OSBPL11: variants seen among roughly 807,000 people sequenced by gnomAD.
OSBPL11 encodes oxysterol binding protein like 11.
Under a neutral mutation model 84.4 loss-of-function variants are expected in OSBPL11, and 33 were observed. The observed-to-expected ratio is 0.39, with a 90% CI of 0.30 to 0.52. The LOEUF is 0.52. OSBPL11 is among the 20% of genes least tolerant of loss of function. The pLI is 0.72. For synonymous variants in OSBPL11, 276 were observed against 310.2 expected (o/e 0.89, Z 1.16); for missense variants, 736 against 901.1 (o/e 0.82, Z 2.35).
chr3:125,545,510 A>G (rs979485144), intron 10 of OSBPL11, among the ~76,000 whole-genome samples: 5 of 152,242 alleles, frequency 3.3e-5, no homozygotes. Flanking sequence ...CAAAAATAGT[A>G]TCCTGGATTA....
chr3:125,556,059 T>C (rs1233168339), intron 8 of OSBPL11, among the ~76,000 whole-genome samples: 1 of 152,210 alleles, frequency 6.6e-6, no homozygotes, highest in Non-Finnish European at 1.5e-5. Flanking sequence ...ATTTTCACAT[T>C]CGCTTCTTAC....
At chr3:125,537,002 T>C (rs1246478104) in intron 11 of OSBPL11, among the ~76,000 whole-genome samples, 1 of 151,390 alleles carries the variant, frequency 6.6e-6, no homozygotes, top group Admixed American at 6.6e-5. Context: ...CTACTACAAA[T>C]ACAAAAAATT....
intron 11 of OSBPL11, among the ~76,000 whole-genome samples, chr3:125,533,530 A>G (rs548306514): frequency 3.2e-4 from 48 of 152,286 alleles, no homozygotes; most frequent in African/African-American, 1.1e-3. Context: ...TAAAGAATTA[A>G]GGCTACATAT....
intron 10 of OSBPL11, among the ~76,000 whole-genome samples, chr3:125,544,802 ACC>A (rs1165967584): frequency 6.6e-6 from 1 of 152,204 alleles, no homozygotes; most frequent in Non-Finnish European, 1.5e-5. Context: ...AGGTTTCTTG[ACC>A]AAATCTACAA....
chr3:125,537,020 C>T (rs969035097), intron 11 of OSBPL11, among the ~76,000 whole-genome samples: 3 of 151,656 alleles, frequency 2.0e-5, no homozygotes, highest in Admixed American at 6.6e-5. Flanking sequence ...ATTAGCCAGG[C>T]GTGGTGGTCG....
At chr3:125,532,771 A>G (rs1052999363) in intron 11 of OSBPL11, among the ~76,000 whole-genome samples, 3 of 94,764 alleles carry the variant, frequency 3.2e-5, no homozygotes, top group African/African-American at 1.8e-4. Flanking sequence ...ATGTCCATAC[A>G]AAGACTTGTA....
intron 10 of OSBPL11, among the ~76,000 whole-genome samples, chr3:125,545,633 C>A (rs917149136): frequency 6.7e-6 from 1 of 150,196 alleles, no homozygotes; most frequent in Non-Finnish European, 1.5e-5. Flanking sequence ...TGTGTGTGTG[C>A]GTGTGTGTGT....
At chr3:125,558,236 A>G (rs747491049) in intron 8 of OSBPL11, among the ~76,000 whole-genome samples, 1 of 152,190 alleles carries the variant, frequency 6.6e-6, no homozygotes, top group Non-Finnish European at 1.5e-5. Context: ...ATAAACCTCA[A>G]TGCTGCTCTT....
chr3:125,587,933 TG>T (rs1248952313), intron 1 of OSBPL11, among the ~76,000 whole-genome samples: 10 of 152,048 alleles, frequency 6.6e-5, no homozygotes, highest in Admixed American at 3.9e-4. Flanking sequence ...AGCAAGACTC[TG>T]TCTCAGGCCA....
Position 125,579,989 on chromosome 3 carries a change from T to A in OSBPL11, c.285A>T (p.Glu95Asp). 6.2e-7 allele frequency: 1 copy of A among 1,614,206 alleles called. No individual in the cohort carries two copies. The highest frequency in any genetic ancestry group is 8.5e-7 in the Non-Finnish European group (1 of 1,180,012). Residue 95 changes from glutamate (E) to aspartate (D), a missense_variant, in exon 3 of 13, where the codon GAA becomes GAT. Transcript: ENST00000296220. ...EAGLLEYFVN[E>D]QSRNQKPRGT... is the part of the protein sequence containing the mutation. ...CTCTAGGTTTCTGATTTCTAGACTGTTCATTCACAAAGTACTCCAACAGCC... is the reference window on the plus strand; with the variant it reads ...CTCTAGGTTTCTGATTTCTAGACTGATCATTCACAAAGTACTCCAACAGCC...
chr3:125,535,437 A>ACTT (rs1559833754), intron 11 of OSBPL11, among the ~76,000 whole-genome samples: 1 of 126,876 alleles, frequency 7.9e-6, no homozygotes, highest in Non-Finnish European at 1.6e-5. Flanking sequence ...ATTCAGAAGC[A>ACTT]TCTTTTTTTT....
intron 4 of OSBPL11, among the ~76,000 whole-genome samples, chr3:125,577,995 AATC>A (rs1158250500): frequency 6.6e-6 from 1 of 152,208 alleles, no homozygotes; most frequent in African/African-American, 2.4e-5. Context: ...AGAGAAATGA[AATC>A]ATATGTTCAC....
At chr3:125,555,655 T>C (rs1935981398) in intron 8 of OSBPL11, among the ~76,000 whole-genome samples, 1 of 151,910 alleles carries the variant, frequency 6.6e-6, no homozygotes, top group South Asian at 2.1e-4. Flanking sequence ...ATGACTTCAG[T>C]CTTTTCATTA....
intron 10 of OSBPL11, among the ~76,000 whole-genome samples, chr3:125,546,174 TG>T (rs1364756652): frequency 0.067 from 9,266 of 139,258 alleles, 420 homozygotes; most frequent in Non-Finnish European, 0.096. Context: ...TTTGTGTGTG[TG>T]TGTTTTTTTT....
chr3:125,563,388 T>C (rs908698987), intron 7 of OSBPL11, among the ~76,000 whole-genome samples: 4 of 151,996 alleles, frequency 2.6e-5, no homozygotes, highest in Admixed American at 2.0e-4. Flanking sequence ...GAGACAAACA[T>C]TGTGCAAATC....
At position 125,530,365 on chromosome 3, in the gene OSBPL11, T is replaced by G; in HGVS notation, c.*150A>C. 1.4e-6 allele frequency: 1 copy of G among 712,734 alleles called. No individual in the cohort carries two copies. Among genetic ancestry groups the G allele is most frequent in the African/African-American group, 1.8e-5 (1 of 56,744 alleles). 44.2% of individuals were successfully genotyped at this position (712,734 alleles called of 1,614,324 possible). A position where few individuals can be genotyped will look rare whatever the true frequency, so the allele number is the denominator to read the frequency against. Reference sequence around the variant, plus strand: ...CTTTACCACTTTGGTCTTGCTGCAGTATTATGGTGCCCTAGTAGGTACATT... The same window carrying G: ...CTTTACCACTTTGGTCTTGCTGCAGGATTATGGTGCCCTAGTAGGTACATT... On this transcript the variant is annotated 3_prime_UTR_variant, in exon 13 of 13. Transcript: ENST00000296220.
At chr3:125,563,945 A>G in intron 6 of OSBPL11, 102 bp from the exon 7 acceptor site, 4 of 1,356,794 alleles carry the variant, frequency 2.9e-6, no homozygotes, top group Non-Finnish European at 3.0e-6. Flanking sequence ...CAAGCCTAAA[A>G]GCAATTAAAC....
chr3:125,578,938 T>C, intron 4 of OSBPL11, 22 bp downstream of exon 4: 1 of 1,387,622 alleles, frequency 7.2e-7, no homozygotes, highest in East Asian at 2.4e-5. Flanking sequence ...TGTATATTAA[T>C]ATTGTATATA....
intron 8 of OSBPL11, among the ~76,000 whole-genome samples, chr3:125,554,540 T>C (rs940771882): frequency 2.0e-5 from 3 of 152,182 alleles, no homozygotes; most frequent in African/African-American, 7.2e-5. Flanking sequence ...AACTTAATTG[T>C]GAGCAGAAGA....
Sources: allele counts gnomAD v4.1 joint callset (sites outside exome capture counted in the v4.1 genomes callset), GRCh38; gene constraint gnomAD v4.1.1; transcripts MANE v1.5; gene names NCBI Gene and HGNC (gene_info 2026-07-23, HGNC 2026-07-21).